The following NPL variants were observed in gnomAD, a reference collection of about 807,000 sequenced individuals.
NPL encodes the protein N-acetylneuraminate lyase.
In NPL, 32 loss-of-function variants were observed where a neutral mutation model predicts 41.1. The ratio of observed to expected loss-of-function variants is 0.78; its 90% confidence interval spans 0.59 to 1.05. The LOEUF (loss-of-function observed/expected upper bound fraction) is 1.05, where lower values mean the gene tolerates loss of function less well. Among genes scored for constraint, NPL ranks in the 50% least tolerant of loss-of-function variants. The pLI is 0.00. For synonymous variants in NPL, 128 were observed against 134.9 expected (o/e 0.95, Z 0.35); for missense variants, 321 against 378.4 (o/e 0.85, Z 1.26).
intron 3 of NPL, among the ~76,000 whole-genome samples, chr1:182,796,625 T>G (rs1444142299): frequency 6.6e-6 from 1 of 152,022 alleles, no homozygotes; most frequent in Admixed American, 6.6e-5. Flanking sequence ...TGTCCTGGAG[T>G]AGGGTAGCTG....
chr1:182,798,360 T>A (rs543309921), intron 3 of NPL, among the ~76,000 whole-genome samples: 1 of 151,920 alleles, frequency 6.6e-6, no homozygotes, highest in South Asian at 2.1e-4. Context: ...CCCGGGTAGC[T>A]GGGATTAGAG....
chr1:182,802,256 A>G (rs1288041207), intron 3 of NPL, among the ~76,000 whole-genome samples: 1 of 152,238 alleles, frequency 6.6e-6, no homozygotes, highest in South Asian at 2.1e-4. Context: ...TATAGGCTTT[A>G]TAATTGCATT....
intron 10 of NPL, among the ~76,000 whole-genome samples, chr1:182,820,817 T>A (rs1667468715): frequency 6.6e-6 from 1 of 152,102 alleles, no homozygotes; most frequent in African/African-American, 2.4e-5. Context: ...CAGCCCCACC[T>A]CCAGCACTGG....
At chr1:182,817,361 C>A (rs760139616) in intron 8 of NPL, among the ~76,000 whole-genome samples, 6 of 152,114 alleles carry the variant, frequency 3.9e-5, no homozygotes, top group African/African-American at 1.4e-4. Context: ...AGGAAAAAAA[C>A]GAAACAAAAC....
At position 182,828,916 on chromosome 1, in the gene NPL, C is replaced by G; in HGVS notation, c.*8C>G. 6.2e-7 allele frequency: 1 copy of G among 1,614,106 alleles called. No homozygotes were observed. The highest frequency in any genetic ancestry group is 8.5e-7 in the Non-Finnish European group (1 of 1,180,020). ...TTGGAAGCTGGTAGCTAGTGCCTCTCTATCAAATCAGGGTTTGCACCTTGA... is the reference window on the plus strand; with the variant it reads ...TTGGAAGCTGGTAGCTAGTGCCTCTGTATCAAATCAGGGTTTGCACCTTGA... On this transcript the variant is annotated 3_prime_UTR_variant, in exon 13 of 13. Coordinates refer to ENST00000367553, the MANE Select transcript of NPL (RefSeq NM_030769.3). The surrounding 1 kb of genome is among the most constrained non-coding windows in gnomAD (Gnocchi z 4.0).
At chr1:182,821,806 C>A (rs1667493166) in intron 10 of NPL, among the ~76,000 whole-genome samples, 2 of 152,212 alleles carry the variant, frequency 1.3e-5, no homozygotes, top group Admixed American at 1.3e-4. Flanking sequence ...TAGCATTGCA[C>A]CTGTGTGTAC....
chr1:182,791,765 C>T lies in NPL; in HGVS notation c.-71-467C>T, dbSNP rs148867013. ...AAATGCAGGCAAAAGCACAAGACTA[C>T]GGAGTTTTATTTAGCCTGAACAGCC... is the stretch of plus-strand genomic sequence containing the variant. On this transcript the variant is annotated intron_variant, in intron 1 of 12. Transcript: ENST00000367553. Among the ~76,000 whole-genome samples, 194 of 152,234 alleles carry T rather than the reference C, an allele frequency of 1.3e-3. 1 individual carries two copies. Among genetic ancestry groups the T allele is most frequent in the African/African-American group, 4.5e-3 (188 of 41,536 alleles).
Position 182,829,214 on chromosome 1 carries a change from C to T in NPL, c.*306C>T. On this transcript the variant is annotated 3_prime_UTR_variant, in exon 13 of 13. Coordinates refer to ENST00000367553, the MANE Select transcript of NPL (RefSeq NM_030769.3). ...GATTAATTCCATCTGTCTTTAGGAG[C>T]TCTCATTATCTCGGTCTCTGGTTCC... 1 of 1,212,600 alleles carries T rather than the reference C, an allele frequency of 8.2e-7. No individual in the cohort carries two copies. Among genetic ancestry groups the T allele is most frequent in the East Asian group, 4.3e-5 (1 of 23,024 alleles). 75.1% of individuals were successfully genotyped at this position (1,212,600 alleles called of 1,614,324 possible). A position where few individuals can be genotyped will look rare whatever the true frequency, so the allele number is the denominator to read the frequency against.
At chr1:182,801,647 C>T (rs1336639511) in intron 3 of NPL, among the ~76,000 whole-genome samples, 2 of 152,084 alleles carry the variant, frequency 1.3e-5, no homozygotes, top group African/African-American at 2.4e-5. Flanking sequence ...CCCAGGAGTT[C>T]GAGACCAGTC....
At chr1:182,798,425 A>G (rs999212401) in intron 3 of NPL, among the ~76,000 whole-genome samples, 2 of 152,050 alleles carry the variant, frequency 1.3e-5, no homozygotes, top group East Asian at 1.9e-4. Context: ...ACGGGGTTTC[A>G]TCATGTTGGC....
intron 7 of NPL, among the ~76,000 whole-genome samples, chr1:182,816,227 A>G (rs1276521300): frequency 5.9e-4 from 90 of 152,216 alleles, no homozygotes; most frequent in Non-Finnish European, 1.0e-4. Flanking sequence ...AAAAGTACCA[A>G]ATTTTGCTGG....
intron 8 of NPL, 145 bp downstream of exon 8, chr1:182,816,951 GT>G (rs1667352099): frequency 2.9e-6 from 2 of 700,488 alleles, no homozygotes; most frequent in Non-Finnish European, 5.2e-6. Context: ...GTTTCTAAAT[GT>G]CACTCTAAAG....
In NPL at chr1:182,829,979, G is replaced by T; in HGVS notation, c.*1071G>T. On this transcript the variant is annotated 3_prime_UTR_variant, in exon 13 of 13. Coordinates refer to ENST00000367553, the MANE Select transcript of NPL (RefSeq NM_030769.3). ...GTTAACCCTTACTGATTTTAAACTT[G>T]ACTATCCAGTCTGTTAATTACCTAA... 1 of 215,256 alleles carries T rather than the reference G, an allele frequency of 4.6e-6. No homozygotes were observed. The highest frequency in any genetic ancestry group is 5.6e-5 in the Admixed American group (1 of 17,882). 13.3% of individuals were successfully genotyped at this position (215,256 alleles called of 1,614,324 possible). A position where few individuals can be genotyped will look rare whatever the true frequency, so the allele number is the denominator to read the frequency against.
intron 3 of NPL, among the ~76,000 whole-genome samples, chr1:182,800,701 A>G (rs1051450104): frequency 7.0e-6 from 1 of 142,748 alleles, no homozygotes; most frequent in African/African-American, 2.6e-5. Context: ...TCTAATTTCC[A>G]GCTGTATGGA....
At chr1:182,804,996 C>T (rs1316353190) in intron 4 of NPL, among the ~76,000 whole-genome samples, 1 of 152,182 alleles carries the variant, frequency 6.6e-6, no homozygotes, top group African/African-American at 2.4e-5. Context: ...AAATACTTTC[C>T]GACTTCCCTC....
Position 182,829,279 on chromosome 1 carries a change from A to G in NPL, c.*371A>G. ...AGTTGTCTAATTTTAAACCACTATA[A>G]TATGTCTTCATTTTAATAAATATTC... On this transcript the variant is annotated 3_prime_UTR_variant, in exon 13 of 13. Coordinates refer to ENST00000367553, the MANE Select transcript of NPL (RefSeq NM_030769.3). The G allele has an allele frequency of 1.7e-6, 2 of 1,188,796 alleles. No individual in the cohort carries two copies. The highest frequency in any genetic ancestry group is 2.1e-6 in the Non-Finnish European group (2 of 956,408). The allele number at this position is 1,188,796 out of a possible 1,614,324, so 73.6% of individuals were successfully genotyped here. A position where few individuals can be genotyped will look rare whatever the true frequency, so the allele number is the denominator to read the frequency against.
At chr1:182,825,692 T>C in intron 11 of NPL, 89 bp from the exon 12 acceptor site, 1 of 936,770 alleles carries the variant, frequency 1.1e-6, no homozygotes, top group African/African-American at 1.6e-5. Flanking sequence ...GTGCAGACTT[T>C]TTAGGGTTTC....
chr1:182,818,890 T>C (rs768535035), intron 10 of NPL, 31 bp downstream of exon 10: 2 of 1,602,428 alleles, frequency 1.2e-6, no homozygotes, highest in Non-Finnish European at 1.7e-6. Flanking sequence ...CCAGTGGTTA[T>C]AAAGTCCCCC....
At chr1:182,809,893 T>C (rs1055596620) in intron 5 of NPL, 5 of 152,180 alleles carry the variant, frequency 3.3e-5, no homozygotes, top group African/African-American at 9.7e-5. Context: ...AAATGGATGA[T>C]TGGCTTCACC....
Sources: gnomAD v4.1 joint callset for allele counts (sites outside exome capture counted in the v4.1 genomes callset) on GRCh38, gnomAD v4.1.1 for gene constraint, Gnocchi (gnomAD v3.1) non-coding constraint, MANE v1.5 for transcripts, NCBI Gene and HGNC (gene_info 2026-07-23, HGNC 2026-07-21) for gene names.